The following SLC24A3 variants were observed in gnomAD, a reference collection of about 807,000 sequenced individuals.
The protein encoded by SLC24A3 is solute carrier family 24 member 3.
SLC24A3 carries 28 observed loss-of-function variants against 75.8 expected under a neutral mutation model. That is an observed-to-expected ratio of 0.37 (90% CI 0.27 to 0.51). The LOEUF is 0.51. Ranked by LOEUF, SLC24A3 falls within the 20% of genes least tolerant of loss-of-function variation. The pLI is 0.94. For synonymous variants in SLC24A3, 372 were observed against 334.1 expected (o/e 1.11, Z -1.24); for missense variants, 663 against 847.8 (o/e 0.78, Z 2.71).
chr20:19,693,878 C>T, intron 13 of SLC24A3: 1 of 153,964 alleles, frequency 6.5e-6, no homozygotes. Context: ...ACACATTTTA[C>T]TGGCCAAGCC....
intron 7 of SLC24A3, among the ~76,000 whole-genome samples, chr20:19,662,436 G>A (rs1001991588): frequency 2.0e-5 from 3 of 152,244 alleles, no homozygotes; most frequent in Non-Finnish European, 4.4e-5. Context: ...GGCTAAAGCC[G>A]CCTTCAGTAG....
At chr20:19,402,881 C>T (rs1986577623) in intron 2 of SLC24A3, among the ~76,000 whole-genome samples, 1 of 152,202 alleles carries the variant, frequency 6.6e-6, no homozygotes, top group South Asian at 2.1e-4. Context: ...GCATGGTCTG[C>T]CCCAGTGGTG....
chr20:19,585,372 G>T (rs374469607), intron 5 of SLC24A3, 69 bp from the exon 6 acceptor site: 6 of 1,440,374 alleles, frequency 4.2e-6, no homozygotes, highest in East Asian at 4.6e-5. Flanking sequence ...CTTATGAAAG[G>T]TTCCCCATGC....
chr20:19,222,817 G>GTTCC (rs902501636), intron 1 of SLC24A3, among the ~76,000 whole-genome samples: 11 of 49,210 alleles, frequency 2.2e-4, no homozygotes, highest in African/African-American at 4.7e-4. Flanking sequence ...TCCTTCCTTC[G>GTTCC]TTCCTTCCTT....
At chr20:19,640,286 A>T (rs1391672344) in intron 6 of SLC24A3, among the ~76,000 whole-genome samples, 2 of 150,646 alleles carry the variant, frequency 1.3e-5, no homozygotes, top group African/African-American at 4.9e-5. Flanking sequence ...GTGGAAGCAA[A>T]TTATTAAGGG....
chr20:19,271,817 G>A (rs1254027345), intron 1 of SLC24A3, among the ~76,000 whole-genome samples: 2 of 152,122 alleles, frequency 1.3e-5, no homozygotes, highest in African/African-American at 2.4e-5. Context: ...ATGACTCTGG[G>A]GACCTGGAGG....
At chr20:19,715,452 C>T (rs1399411721) in intron 15 of SLC24A3, among the ~76,000 whole-genome samples, 2 of 152,174 alleles carry the variant, frequency 1.3e-5, no homozygotes, top group African/African-American at 4.8e-5. Flanking sequence ...TTGAGTCTTC[C>T]TTTATTCTCG....
intron 6 of SLC24A3, among the ~76,000 whole-genome samples, chr20:19,628,161 G>T (rs1254925191): frequency 3.8e-5 from 5 of 132,930 alleles, no homozygotes; most frequent in African/African-American, 1.4e-4. Context: ...CTGAGATTGC[G>T]CCACTGCACT....
At chr20:19,692,219 A>C (rs1031976136) in intron 12 of SLC24A3, among the ~76,000 whole-genome samples, 4 of 152,194 alleles carry the variant, frequency 2.6e-5, no homozygotes, top group African/African-American at 9.7e-5. Context: ...ATTTTGGAAA[A>C]CTGGCAGTTT....
At chr20:19,371,676 A>G (rs868581808) in intron 2 of SLC24A3, among the ~76,000 whole-genome samples, 30 of 152,128 alleles carry the variant, frequency 2.0e-4, no homozygotes, top group African/African-American at 7.0e-4. Context: ...TTTTAGTGGT[A>G]TATTTCCCTA....
intron 2 of SLC24A3, among the ~76,000 whole-genome samples, chr20:19,396,100 C>A (rs765997070): frequency 2.0e-5 from 3 of 152,066 alleles, no homozygotes; most frequent in Non-Finnish European, 4.4e-5. Flanking sequence ...CCATTTATGG[C>A]TCTGCAAAAG....
intron 2 of SLC24A3, among the ~76,000 whole-genome samples, chr20:19,430,836 G>T (rs1327235584): frequency 6.6e-6 from 1 of 151,918 alleles, no homozygotes; most frequent in East Asian, 1.9e-4. Context: ...ACACATGCAG[G>T]TACACACTCA....
At chr20:19,486,478 A>G (rs1023837238) in intron 2 of SLC24A3, among the ~76,000 whole-genome samples, 7 of 152,246 alleles carry the variant, frequency 4.6e-5, no homozygotes, top group Non-Finnish European at 1.0e-4. Flanking sequence ...GAAAGAAAGT[A>G]TCTGCCTGCT....
chr20:19,628,818 G>A (rs944953960), intron 6 of SLC24A3, among the ~76,000 whole-genome samples: 3 of 152,162 alleles, frequency 2.0e-5, no homozygotes, highest in Admixed American at 6.5e-5. Flanking sequence ...TGATGCAACC[G>A]CTGGGAAGAT....
chr20:19,305,012 T>G (rs1401680806), intron 2 of SLC24A3, among the ~76,000 whole-genome samples: 1 of 152,312 alleles, frequency 6.6e-6, no homozygotes, highest in Non-Finnish European at 1.5e-5. Context: ...CTTGGACTTT[T>G]TGCTCACATC....
chr20:19,253,713 A>G (rs1251965289), intron 1 of SLC24A3, among the ~76,000 whole-genome samples: 2 of 152,240 alleles, frequency 1.3e-5, no homozygotes, highest in Non-Finnish European at 2.9e-5. Flanking sequence ...GGCCTAACCC[A>G]GTCTGGCAGG....
chr20:19,260,414 A>G (rs1982946595), intron 1 of SLC24A3, among the ~76,000 whole-genome samples: 2 of 152,262 alleles, frequency 1.3e-5, no homozygotes, highest in Non-Finnish European at 2.9e-5. Context: ...CAGCATACTC[A>G]GCATGGCAAA....
At chr20:19,515,592 G>A (rs1285848537) in intron 3 of SLC24A3, 28 bp downstream of exon 3, 2 of 1,612,228 alleles carry the variant, frequency 1.2e-6, no homozygotes, top group Non-Finnish European at 1.7e-6. Context: ...CCTCTGCCTG[G>A]AGGGTCCATA....
chr20:19,422,360 G>T (rs1003858042), intron 2 of SLC24A3, among the ~76,000 whole-genome samples: 2 of 152,130 alleles, frequency 1.3e-5, no homozygotes, highest in African/African-American at 2.4e-5. Flanking sequence ...CCTTTGTCAA[G>T]CAGGTAGTGA....
Sources: gnomAD v4.1 joint callset for allele counts (sites outside exome capture counted in the v4.1 genomes callset) on GRCh38, gnomAD v4.1.1 for gene constraint, MANE v1.5 for transcripts, NCBI Gene and HGNC (gene_info 2026-07-23, HGNC 2026-07-21) for gene names.